The following SPDYA variants were observed in gnomAD, a reference collection of about 807,000 sequenced individuals.
SPDYA encodes the protein speedy protein A.
In SPDYA, 11 loss-of-function variants were observed where a neutral mutation model predicts 36.7. That is an observed-to-expected ratio of 0.30 (90% CI 0.19 to 0.50). SPDYA has a LOEUF of 0.50. Among genes scored for constraint, SPDYA ranks in the 20% least tolerant of loss-of-function variants. The probability of loss-of-function intolerance (pLI) is 0.98; values close to 1 mark genes in which losing one functional copy is unlikely to be tolerated. For synonymous variants in SPDYA, 115 were observed against 118.7 expected, an observed-to-expected ratio of 0.97 and a Z score of 0.20; for missense variants, 287 against 370.9, an observed-to-expected ratio of 0.77 and a Z score of 1.86.
At position 28,812,718 on chromosome 2, in the gene SPDYA, G is replaced by A. The variant is rs188658278; in HGVS notation, c.-93+1771G>A. Among the ~76,000 whole-genome samples, 16 of 151,896 alleles carry A rather than the reference G, an allele frequency of 1.1e-4. No homozygotes were observed. The East Asian group carries it at 3.1e-3, about 29-fold the overall frequency. On this transcript the variant is annotated intron_variant, in intron 1 of 7. Coordinates refer to ENST00000334056, the MANE Select transcript of SPDYA (RefSeq NM_182756.4). Reference sequence around the variant, plus strand: ...CTGAAAATACGAAAATTAGCGGGGCGTGGTGGCAGGCTCCTGTAATCCCAA... The same window carrying A: ...CTGAAAATACGAAAATTAGCGGGGCATGGTGGCAGGCTCCTGTAATCCCAA...
chr2:28,845,475 C>T (rs1668850009), intron 7 of SPDYA, among the ~76,000 whole-genome samples: 1 of 152,028 alleles, frequency 6.6e-6, no homozygotes, highest in African/African-American at 2.4e-5. Context: ...CAAAAAGTCT[C>T]GATATATAAA....
At chr2:28,826,896 T>G (rs6547883) in intron 5 of SPDYA, among the ~76,000 whole-genome samples, 14,850 of 149,908 alleles carry the variant, frequency 0.099, 794 homozygotes, top group East Asian at 0.17. Context: ...GGATTACAGG[T>G]GTGAGCCACT....
intron 5 of SPDYA, among the ~76,000 whole-genome samples, chr2:28,823,236 T>C (rs572192016): frequency 2.6e-5 from 4 of 152,336 alleles, no homozygotes; most frequent in African/African-American, 9.6e-5. Context: ...TGTTTTCCAG[T>C]TCTTCCACTG....
intron 5 of SPDYA, among the ~76,000 whole-genome samples, chr2:28,827,823 T>G (rs1201779579): frequency 1.3e-5 from 2 of 152,220 alleles, no homozygotes; most frequent in Non-Finnish European, 1.5e-5. Context: ...CTCCTTCAAA[T>G]GTCTTCTGTC....
chr2:28,812,129 A>C (rs1449071839), intron 1 of SPDYA, among the ~76,000 whole-genome samples: 1 of 152,182 alleles, frequency 6.6e-6, no homozygotes, highest in Non-Finnish European at 1.5e-5. Flanking sequence ...AACTTCTTTA[A>C]GCCTCAAATT....
chr2:28,841,443 T>C (rs1456855136), intron 7 of SPDYA, among the ~76,000 whole-genome samples: 2 of 152,160 alleles, frequency 1.3e-5, no homozygotes, highest in Admixed American at 6.5e-5. Flanking sequence ...TGTCTAGAAA[T>C]AGTACTAGAA....
intron 5 of SPDYA, among the ~76,000 whole-genome samples, chr2:28,826,144 T>C (rs1668310985): frequency 6.6e-6 from 1 of 150,736 alleles, no homozygotes; most frequent in Admixed American, 6.6e-5. Flanking sequence ...TGTTTTTCGT[T>C]TTTGTTTTTT....
intron 3 of SPDYA, among the ~76,000 whole-genome samples, chr2:28,817,849 C>T (rs1213293478): frequency 5.4e-4 from 20 of 36,984 alleles, no homozygotes; most frequent in Middle Eastern, 0.045. Context: ...AAGACTCTGT[C>T]TCAAAAAAAA....
intron 4 of SPDYA, among the ~76,000 whole-genome samples, chr2:28,821,693 A>G (rs1668172337): frequency 6.6e-6 from 1 of 152,162 alleles, no homozygotes; most frequent in Non-Finnish European, 1.5e-5. Context: ...GTCTTACGAG[A>G]GATAATCTGA....
chr2:28,845,025 A>G (rs1042981245), intron 7 of SPDYA, among the ~76,000 whole-genome samples: 18 of 152,122 alleles, frequency 1.2e-4, no homozygotes, highest in Admixed American at 7.9e-4. Flanking sequence ...GCCTTAAGCA[A>G]TCCTCCACCT....
chr2:28,819,885 TA>T (rs1558322490), intron 4 of SPDYA, among the ~76,000 whole-genome samples: 3 of 65,546 alleles, frequency 4.6e-5, no homozygotes, highest in African/African-American at 1.1e-4. Flanking sequence ...TATATATATA[TA>T]TATATATATA....
intron 4 of SPDYA, among the ~76,000 whole-genome samples, chr2:28,819,839 AAAAAAAAAAAATATATATATAT>A (rs1226639054): frequency 2.0e-5 from 1 of 49,760 alleles, no homozygotes; most frequent in African/African-American, 8.4e-5. Flanking sequence ...AAAAAAAAAA[AAAAAAAAAAAATATATATATAT>A]ATATATATAT....
In SPDYA at chr2:28,816,064, A is replaced by G. The variant is rs771132133; in HGVS notation, c.50A>G (p.Tyr17Cys). 4 of 1,614,032 alleles carry G rather than the reference A, an allele frequency of 2.5e-6. No individual in the cohort carries two copies. The South Asian group carries it at 3.3e-5, about 13-fold the overall frequency. ...CCETPPTVTVYVKSGSNRSHQ... is the reference protein window; with the variant it reads ...CCETPPTVTVCVKSGSNRSHQ... The stretch of plus-strand genomic sequence containing the variant: ...GAGACACCACCTACTGTCACTGTTT[A>G]TGTAAAATCAGGGTCAAATAGATCA... Residue 17 changes from tyrosine (Y) to cysteine (C), a missense_variant, in exon 3 of 8, where the codon TAT (tyrosine) becomes TGT (cysteine). By Grantham distance (194) the Tyr-to-Cys change is radical. Coordinates refer to ENST00000334056, the MANE Select transcript of SPDYA (RefSeq NM_182756.4).
intron 2 of SPDYA, among the ~76,000 whole-genome samples, chr2:28,815,230 C>T (rs774410652): frequency 6.0e-5 from 9 of 149,288 alleles, no homozygotes; most frequent in East Asian, 2.0e-4. Flanking sequence ...TGCAGTGAGC[C>T]GTAATCATGC....
At chr2:28,819,910 C>CTGAGGCAGGAGGATTGCT (rs2148079077) in intron 4 of SPDYA, among the ~76,000 whole-genome samples, 1 of 108,258 alleles carries the variant, frequency 9.2e-6, no homozygotes, top group South Asian at 3.2e-4. Context: ...ATATTTTATC[C>CTGAGGCAGGAGGATTGCT]TGAGGCAGGA....
chr2:28,814,223 G>C (rs1334130388), intron 1 of SPDYA, among the ~76,000 whole-genome samples: 7 of 152,064 alleles, frequency 4.6e-5, no homozygotes, highest in African/African-American at 1.7e-4. Flanking sequence ...AACTGAAGGA[G>C]CATATTTTTC....
At chr2:28,818,917 T>C (rs906736821) in intron 3 of SPDYA, 131 bp from the exon 4 acceptor site, 53 of 661,222 alleles carry the variant, frequency 8.0e-5, no homozygotes, top group Non-Finnish European at 1.3e-4. Flanking sequence ...AACTCCACCT[T>C]AGGCAACACT....
intron 3 of SPDYA, among the ~76,000 whole-genome samples, chr2:28,816,549 T>C (rs987836998): frequency 2.0e-5 from 3 of 152,198 alleles, no homozygotes; most frequent in African/African-American, 7.2e-5. Flanking sequence ...TGAGTTTTAT[T>C]TGACCTAAAA....
intron 4 of SPDYA, 140 bp downstream of exon 4, chr2:28,819,246 C>T: frequency 3.5e-6 from 2 of 574,072 alleles, no homozygotes; most frequent in Non-Finnish European, 5.8e-6. Context: ...CAGTGGCTCA[C>T]ACCTGTAATC....
Sources: gnomAD v4.1 joint callset for allele counts (sites outside exome capture counted in the v4.1 genomes callset) on GRCh38, gnomAD v4.1.1 for gene constraint, MANE v1.5 for transcripts, NCBI Gene and HGNC (gene_info 2026-07-23, HGNC 2026-07-21) for gene names.